R3HDM2: variants seen among roughly 807,000 people sequenced by gnomAD.
The protein encoded by R3HDM2 is R3H domain-containing protein 2.
Under a neutral mutation model 124.5 loss-of-function variants are expected in R3HDM2, and 38 were observed. The ratio of observed to expected loss-of-function variants is 0.31; its 90% CI spans 0.24 to 0.40. R3HDM2 has a LOEUF of 0.40. Ranked by LOEUF, R3HDM2 falls within the 10% of genes least tolerant of loss-of-function variation. The probability of loss-of-function intolerance (pLI) is 1.00; values close to 1 mark genes in which losing one functional copy is unlikely to be tolerated. For synonymous variants in R3HDM2, 391 were observed against 448.0 expected (o/e 0.87, Z 1.61); for missense variants, 869 against 1,236.9 (o/e 0.70, Z 4.46).
chr12:57,409,979 T>C (rs2068866516), intron 1 of R3HDM2, among the ~76,000 whole-genome samples: 1 of 152,202 alleles, frequency 6.6e-6, no homozygotes, highest in African/African-American at 2.4e-5. Flanking sequence ...AATTTTCTTT[T>C]ACATTTACCA....
intron 12 of R3HDM2, 61 bp from the exon 13 acceptor site, chr12:57,284,117 G>T: frequency 7.3e-7 from 1 of 1,378,768 alleles, no homozygotes; most frequent in Non-Finnish European, 1.0e-6. Flanking sequence ...AGGGCTAGGA[G>T]ATAATTCATT....
intron 1 of R3HDM2, chr12:57,430,503 G>A (rs897404645): frequency 6.4e-6 from 2 of 313,248 alleles, no homozygotes; most frequent in African/African-American, 2.4e-5. Flanking sequence ...CCGCACCGCC[G>A]CCCTCCGCCC....
intron 1 of R3HDM2, among the ~76,000 whole-genome samples, chr12:57,426,082 T>C (rs1196433131): frequency 6.6e-6 from 1 of 151,798 alleles, no homozygotes; most frequent in African/African-American, 2.4e-5. Context: ...ACAAAAATTA[T>C]CCAGGCGTGG....
In R3HDM2 at chr12:57,255,130, G is replaced by C. The variant is rs769077610; in HGVS notation, c.2633-17C>G. 52 of 1,560,544 alleles carry C rather than the reference G, an allele frequency of 3.3e-5. No homozygotes were observed. The highest frequency in any genetic ancestry group is 4.3e-5 in the Non-Finnish European group (49 of 1,151,772). ...GCCCCAGGACTGGAAGGGGAGGAGAGAGGACATGGTTGTGAGAGGAATAGG... is the reference window on the plus strand; with the variant it reads ...GCCCCAGGACTGGAAGGGGAGGAGACAGGACATGGTTGTGAGAGGAATAGG... On this transcript the variant is annotated splice_polypyrimidine_tract_variant and intron_variant, in intron 23 of 23. Transcript: ENST00000402412.
intron 1 of R3HDM2, among the ~76,000 whole-genome samples, chr12:57,420,644 T>C (rs187700049): frequency 2.4e-4 from 37 of 151,918 alleles, no homozygotes; most frequent in Admixed American, 2.0e-4. Flanking sequence ...CGTGAGCCAC[T>C]GCGCCCAGGC....
intron 1 of R3HDM2, among the ~76,000 whole-genome samples, chr12:57,413,847 CT>C (rs56189620): frequency 0.37 from 43,466 of 118,944 alleles, 7,019 homozygotes; most frequent in Middle Eastern, 0.68. Context: ...AATCCCCCCC[CT>C]TTTTTTTTTT....
At chr12:57,303,140 T>TA (rs1429782294) in intron 4 of R3HDM2, 36 bp downstream of exon 4, 1 of 1,463,444 alleles carries the variant, frequency 6.8e-7, no homozygotes, top group East Asian at 2.5e-5. Context: ...GTATTACTAA[T>TA]AACATTAGAA....
At chr12:57,338,452 A>G (rs1231889536) in intron 2 of R3HDM2, among the ~76,000 whole-genome samples, 1 of 152,212 alleles carries the variant, frequency 6.6e-6, no homozygotes, top group Non-Finnish European at 1.5e-5. Flanking sequence ...TTTCCATATT[A>G]GTACAGAATT....
At chr12:57,401,458 C>T (rs2068044486) in intron 1 of R3HDM2, among the ~76,000 whole-genome samples, 1 of 152,168 alleles carries the variant, frequency 6.6e-6, no homozygotes. Flanking sequence ...CCCTAGCTAA[C>T]GTGCCAACTG....
intron 13 of R3HDM2, among the ~76,000 whole-genome samples, chr12:57,283,338 T>C (rs2046607820): frequency 6.6e-6 from 1 of 151,042 alleles, no homozygotes. Context: ...TGAAAGAAAA[T>C]GAGGAGGACT....
rs200887467 is a variant in R3HDM2, at chr12:57,268,318, T to C, written c.2015A>G (p.Gln672Arg). ...GAGTCCTCACCTCGTACCGTTCTGC[T>C]GAGCAGGTGGGATCATGCTATAGTA... ...PVYYSMIPPAQQNGTSPSVGF... is the reference protein window; with the variant it reads ...PVYYSMIPPARQNGTSPSVGF... The change falls in exon 18 of 24, where the codon CAG becomes CGG. Residue 672 changes from glutamine to arginine, a missense_variant. Physicochemically the swap from Gln to Arg is conservative, Grantham distance 43. Transcript: ENST00000402412. 6.2e-7 allele frequency: 1 copy of C among 1,613,898 alleles called. No individual in the cohort carries two copies. Among genetic ancestry groups the C allele is most frequent in the African/African-American group, 1.3e-5 (1 of 75,040 alleles).
chr12:57,416,683 C>T (rs1168797144), intron 1 of R3HDM2, among the ~76,000 whole-genome samples: 1 of 152,000 alleles, frequency 6.6e-6, no homozygotes, highest in Non-Finnish European at 1.5e-5. Context: ...TGGCACATGC[C>T]TGTAGTCCCA....
chr12:57,280,328 A>G lies in R3HDM2; in HGVS notation c.1344+30T>C, dbSNP rs375761448. 52 of 1,596,496 alleles carry G rather than the reference A, an allele frequency of 3.3e-5. No individual in the cohort carries two copies. The African/African-American group carries it at 5.9e-4, about 18-fold the overall frequency. On this transcript the variant is annotated intron_variant, in intron 14 of 23. Coordinates refer to ENST00000402412, the MANE Select transcript of R3HDM2 (RefSeq NM_001394031.1). Reference sequence around the variant, plus strand: ...CTAAAGTTTGCTTGAATCAGAGTGGAGAGGACTCTGACACTGAGTGGTGAC... The same window carrying G: ...CTAAAGTTTGCTTGAATCAGAGTGGGGAGGACTCTGACACTGAGTGGTGAC...
intron 1 of R3HDM2, among the ~76,000 whole-genome samples, chr12:57,424,364 G>A (rs1822170035): frequency 1.3e-5 from 2 of 151,832 alleles, no homozygotes; most frequent in Admixed American, 1.3e-4. Flanking sequence ...GTTTCATTAT[G>A]TTAGCCAGGC....
chr12:57,253,851 T>A lies in R3HDM2; in HGVS notation c.*922A>T. Reference sequence around the variant, plus strand: ...CAAACAAACAAAAAAACAGATTAAATAAAATTTACAGTGAATATACCCAGC... The same window carrying A: ...CAAACAAACAAAAAAACAGATTAAAAAAAATTTACAGTGAATATACCCAGC... On this transcript the variant is annotated 3_prime_UTR_variant, in exon 24 of 24. Coordinates refer to ENST00000402412, the MANE Select transcript of R3HDM2 (RefSeq NM_001394031.1). 1 of 163,246 alleles carries A rather than the reference T, an allele frequency of 6.1e-6. No homozygotes were observed. The highest frequency in any genetic ancestry group is 1.3e-5 in the Non-Finnish European group (1 of 75,932). The allele number at this position is 163,246 out of a possible 1,614,324, so 10.1% of individuals were successfully genotyped here. A position where few individuals can be genotyped will look rare whatever the true frequency, so the allele number is the denominator to read the frequency against.
chr12:57,358,360 A>C (rs2061523821), intron 2 of R3HDM2, among the ~76,000 whole-genome samples: 1 of 152,244 alleles, frequency 6.6e-6, no homozygotes, highest in Admixed American at 6.5e-5. Context: ...ATAGAGGCCA[A>C]GTGGAGAAGT....
At chr12:57,395,027 G>C (rs952937180) in intron 2 of R3HDM2, among the ~76,000 whole-genome samples, 2 of 151,856 alleles carry the variant, frequency 1.3e-5, no homozygotes, top group African/African-American at 4.8e-5. Flanking sequence ...GGCCAACATG[G>C]TGAAACCCGT....
At chr12:57,308,635 A>G (rs796293354) in intron 3 of R3HDM2, among the ~76,000 whole-genome samples, 55 of 152,244 alleles carry the variant, frequency 3.6e-4, no homozygotes, top group African/African-American at 1.1e-3. Flanking sequence ...GCAGTGGGCC[A>G]AGATTGTGCC....
intron 3 of R3HDM2, among the ~76,000 whole-genome samples, chr12:57,308,322 C>CT (rs2053185942): frequency 6.6e-6 from 1 of 151,614 alleles, no homozygotes; most frequent in African/African-American, 2.4e-5. Context: ...TCCCAAAGTG[C>CT]TGGGATTATA....
Sources: gnomAD v4.1 joint callset for allele counts (sites outside exome capture counted in the v4.1 genomes callset) on GRCh38, gnomAD v4.1.1 for gene constraint, MANE v1.5 for transcripts, NCBI Gene and HGNC (gene_info 2026-07-23, HGNC 2026-07-21) for gene names.